ZMYM4: variants seen among roughly 807,000 people sequenced by gnomAD.
The protein encoded by ZMYM4 is zinc finger MYM-type protein 4.
A neutral mutation model predicts 183.2 loss-of-function variants in ZMYM4; 31 were observed. The observed-to-expected ratio is 0.17, with a 90% CI of 0.13 to 0.23. ZMYM4 has a LOEUF of 0.23. Among genes scored for constraint, ZMYM4 ranks in the 10% least tolerant of loss-of-function variants. The probability of loss-of-function intolerance (pLI) is 1.00; values close to 1 mark genes in which losing one functional copy is unlikely to be tolerated. For synonymous variants in ZMYM4, 592 were observed against 631.2 expected (o/e 0.94, Z 0.93); for missense variants, 1,273 against 1,840.3 (o/e 0.69, Z 5.64).
intron 5 of ZMYM4, among the ~76,000 whole-genome samples, chr1:35,366,400 T>C (rs1195092318): frequency 1.3e-5 from 2 of 152,196 alleles, no homozygotes; most frequent in African/African-American, 2.4e-5. Context: ...ATCGTTATTA[T>C]TTAACTCTTG....
At chr1:35,372,462 G>A (rs989897355) in intron 7 of ZMYM4, among the ~76,000 whole-genome samples, 1 of 152,154 alleles carries the variant, frequency 6.6e-6, no homozygotes, top group Non-Finnish European at 1.5e-5. Context: ...GTACAATATG[G>A]TGACTGTAGT....
At chr1:35,338,845 T>A (rs1232169258) in intron 2 of ZMYM4, among the ~76,000 whole-genome samples, 1 of 152,270 alleles carries the variant, frequency 6.6e-6, no homozygotes, top group Non-Finnish European at 1.5e-5. Context: ...TCTCTAAATG[T>A]TCTGAACAAT....
At chr1:35,284,750 C>G (rs1640385262) in intron 1 of ZMYM4, among the ~76,000 whole-genome samples, 1 of 152,150 alleles carries the variant, frequency 6.6e-6, no homozygotes, top group African/African-American at 2.4e-5. Flanking sequence ...TGTAGGTAGC[C>G]ACTACCTTGC....
chr1:35,366,226 G>A (rs920845697), intron 5 of ZMYM4: 7 of 152,140 alleles, frequency 4.6e-5, no homozygotes, highest in African/African-American at 1.7e-4. Context: ...CACTTTATTA[G>A]ATGCCAAAAG....
chr1:35,351,993 C>T (rs1643624510), intron 2 of ZMYM4, among the ~76,000 whole-genome samples: 1 of 152,146 alleles, frequency 6.6e-6, no homozygotes, highest in African/African-American at 2.4e-5. Flanking sequence ...ATCACAGTCT[C>T]TATTACACAA....
intron 2 of ZMYM4, among the ~76,000 whole-genome samples, chr1:35,341,034 A>T (rs1195473022): frequency 3.3e-5 from 5 of 152,112 alleles, no homozygotes; most frequent in African/African-American, 1.2e-4. Context: ...TTCTATGTAT[A>T]TTGGGATCTA....
chr1:35,359,066 C>G lies in ZMYM4; in HGVS notation c.227C>G (p.Ser76Cys). The change falls in exon 3 of 30, where the codon TCT (serine) becomes TGT (cysteine). Residue 76 changes from serine to cysteine, a missense_variant. Transcript: ENST00000314607. ...LLDEDDYFLNSGDLAGIPVVG... is the reference protein window; with the variant it reads ...LLDEDDYFLNCGDLAGIPVVG... Reference sequence around the variant, plus strand: ...GATGAAGATGATTATTTTTTGAACTCTGGGGATCTTGCAGGAATTCCAGTC... The same window carrying G: ...GATGAAGATGATTATTTTTTGAACTGTGGGGATCTTGCAGGAATTCCAGTC... The G allele has an allele frequency of 6.2e-7, 1 of 1,613,700 alleles. No individual in the cohort carries two copies. The highest frequency in any genetic ancestry group is 1.3e-5 in the African/African-American group (1 of 74,994).
chr1:35,372,507 A>G (rs945464180), intron 7 of ZMYM4, among the ~76,000 whole-genome samples: 2 of 152,142 alleles, frequency 1.3e-5, no homozygotes, highest in Admixed American at 1.3e-4. Context: ...AATGGTGAGA[A>G]TAGATATAAA....
At chr1:35,316,797 A>G (rs1037096445) in intron 1 of ZMYM4, among the ~76,000 whole-genome samples, 1 of 152,218 alleles carries the variant, frequency 6.6e-6, no homozygotes, top group African/African-American at 2.4e-5. Context: ...AGATAGGACA[A>G]GAGCTAGGCC....
chr1:35,399,159 T>G, intron 22 of ZMYM4, 116 bp downstream of exon 22: 1 of 1,073,536 alleles, frequency 9.3e-7, no homozygotes, highest in Non-Finnish European at 1.3e-6. Context: ...TGTAATGTGT[T>G]AGAGGTCATA....
At chr1:35,377,334 G>C (rs114291512) in intron 7 of ZMYM4, among the ~76,000 whole-genome samples, 2,680 of 152,160 alleles carry the variant, frequency 0.018, 75 homozygotes, top group African/African-American at 0.061. Context: ...AAAATAACAG[G>C]AAATGCAAAA....
rs770362612 is a variant in ZMYM4 at position 35,396,550 on chromosome 1, A to G, written c.2912-2A>G. On this transcript the variant is annotated splice_acceptor_variant, in intron 18 of 29. Transcript: ENST00000314607. LOFTEE classifies it high-confidence loss of function. ...TTGTGATTTTGTTGTTGTTACTGTTAGAAGACACTCCAAGTCAGCCCCAGA... is the reference window on the plus strand; with the variant it reads ...TTGTGATTTTGTTGTTGTTACTGTTGGAAGACACTCCAAGTCAGCCCCAGA... 6.2e-7 allele frequency: 1 copy of G among 1,613,396 alleles called. No homozygotes were observed. The highest frequency in any genetic ancestry group is 8.5e-7 in the Non-Finnish European group (1 of 1,179,614).
intron 1 of ZMYM4, among the ~76,000 whole-genome samples, chr1:35,295,471 G>A (rs1640961279): frequency 6.6e-6 from 1 of 152,186 alleles, no homozygotes; most frequent in African/African-American, 2.4e-5. Flanking sequence ...TATAGATAAT[G>A]TAGGGCCTTT....
At chr1:35,277,149 A>C (rs1377926160) in intron 1 of ZMYM4, among the ~76,000 whole-genome samples, 1 of 152,180 alleles carries the variant, frequency 6.6e-6, no homozygotes, top group East Asian at 1.9e-4. Flanking sequence ...GCTTTTAGTT[A>C]TCCTGATCCC....
At chr1:35,279,368 C>T (rs1455434313) in intron 1 of ZMYM4, among the ~76,000 whole-genome samples, 5 of 152,142 alleles carry the variant, frequency 3.3e-5, no homozygotes, top group East Asian at 1.9e-4. Context: ...TATCATTAGA[C>T]GAGAGGATTC....
chr1:35,389,061 A>G lies in ZMYM4; in HGVS notation c.2415A>G (p.Lys805=), dbSNP rs1644643199. 1 of 1,613,820 alleles carries G rather than the reference A, an allele frequency of 6.2e-7. No individual in the cohort carries two copies. Among genetic ancestry groups the G allele is most frequent in the Non-Finnish European group, 8.5e-7 (1 of 1,179,948 alleles). The change falls in exon 14 of 30, where the codon AAA becomes AAG. Residue 805 remains lysine, a synonymous_variant. Coordinates refer to ENST00000314607, the MANE Select transcript of ZMYM4 (RefSeq NM_005095.3). This position sits in a 1 kb window ranked among gnomAD's most constrained non-coding sequence, Gnocchi z 4.0. ...EEFCCEECMS[K]YTVLFYQMAK... is the part of the protein sequence containing the mutation. ...TCTGTTGTGAAGAATGCATGTCCAA[A>G]TATACAGTTTTGTTCTATCAGGTAA... is the stretch of plus-strand genomic sequence containing the variant.
intron 1 of ZMYM4, among the ~76,000 whole-genome samples, chr1:35,323,159 G>A (rs564727056): frequency 1.3e-5 from 2 of 151,766 alleles, no homozygotes; most frequent in Non-Finnish European, 2.9e-5. Context: ...CCGCCACCAC[G>A]CCCAGCTAAT....
At chr1:35,340,137 T>G (rs1240214258) in intron 2 of ZMYM4, among the ~76,000 whole-genome samples, 1 of 152,204 alleles carries the variant, frequency 6.6e-6, no homozygotes, top group Non-Finnish European at 1.5e-5. Flanking sequence ...AAAAATTTTT[T>G]GGGAATTTTA....
At chr1:35,397,341 C>T (rs1644826237) in intron 19 of ZMYM4, 36 bp from the exon 20 acceptor site, 1 of 1,477,090 alleles carries the variant, frequency 6.8e-7, no homozygotes, top group East Asian at 2.4e-5. Context: ...AAACCTGTTG[C>T]CAAAGAAAGC....
Sources: gnomAD v4.1 joint callset for allele counts (sites outside exome capture counted in the v4.1 genomes callset) on GRCh38, gnomAD v4.1.1 for gene constraint, Gnocchi (gnomAD v3.1) non-coding constraint, MANE v1.5 for transcripts, NCBI Gene and HGNC (gene_info 2026-07-23, HGNC 2026-07-21) for gene names.